The following IL1RAPL1 variants were observed in gnomAD, a reference collection of about 807,000 sequenced individuals.
IL1RAPL1 encodes the protein interleukin-1 receptor accessory protein-like 1.
Under a neutral mutation model 48.4 loss-of-function variants are expected in IL1RAPL1, and 3 were observed. That is an observed-to-expected ratio of 0.06 (90% confidence interval 0.03 to 0.16). The LOEUF (loss-of-function observed/expected upper bound fraction) is 0.16. Ranked by LOEUF, IL1RAPL1 falls within the 10% of genes least tolerant of loss-of-function variation. The probability of loss-of-function intolerance (pLI) is 1.00; values close to 1 mark genes in which losing one functional copy is unlikely to be tolerated. For missense variants in IL1RAPL1, 349 were observed against 530.6 expected, an observed-to-expected ratio of 0.66 and a Z score of 3.36; for synonymous variants, 185 against 187.7, an observed-to-expected ratio of 0.99 and a Z score of 0.12.
chrX:29,552,802 C>CTTTTTTTTTTTT (rs765234944), intron 5 of IL1RAPL1, among the ~76,000 whole-genome samples: 75 of 22,986 alleles, frequency 3.3e-3, no homozygotes, highest in African/African-American at 3.7e-3. Context: ...TTTCACTCTC[C>CTTTTTTTTTTTT]TTTTTTTTTT....
intron 3 of IL1RAPL1, among the ~76,000 whole-genome samples, chrX:29,306,324 A>C (rs1302472627): frequency 9.4e-6 from 1 of 106,338 alleles, no homozygotes; most frequent in Non-Finnish European, 1.9e-5. Context: ...AGGTCAGGAG[A>C]TCAAGACTAT....
chrX:28,861,535 G>A (rs1921943832), intron 2 of IL1RAPL1, among the ~76,000 whole-genome samples: 1 of 111,795 alleles, frequency 8.9e-6, no homozygotes, highest in Non-Finnish European at 1.9e-5. Context: ...AGAACACTTC[G>A]GTTTACAAAG....
chrX:28,734,816 T>C (rs768146170), intron 1 of IL1RAPL1, among the ~76,000 whole-genome samples: 2 of 112,111 alleles, frequency 1.8e-5, no homozygotes, highest in Non-Finnish European at 3.8e-5. Context: ...TAAATACATG[T>C]CAAATGAATG....
chrX:28,938,184 A>G (rs1392848773), intron 2 of IL1RAPL1, among the ~76,000 whole-genome samples: 1 of 111,683 alleles, frequency 9.0e-6, no homozygotes, highest in Non-Finnish European at 1.9e-5. Flanking sequence ...ATTCATATGG[A>G]ACCAAAAAAG....
rs3069570 is a variant in IL1RAPL1 at position 29,479,414 on chromosome X, C to CAAAAAAAAAAAAAAAA, written c.703+80108_703+80123dup. On this transcript the variant is annotated intron_variant, in intron 5 of 10. Transcript: ENST00000378993. The stretch of plus-strand genomic sequence containing the variant: ...TGGGTGACAGAGCGAGACCCTGTCT[C>CAAAAAAAAAAAAAAAA]AAAAAAAAAAAAAAAAATTAGCATT... Among the ~76,000 whole-genome samples the CAAAAAAAAAAAAAAAA allele has an allele frequency of 2.1e-4, 9 of 42,479 alleles. 1 individual carries two copies. Among genetic ancestry groups the CAAAAAAAAAAAAAAAA allele is most frequent in the East Asian group, 1.0e-3 (1 of 990 alleles). 36.9% of individuals were successfully genotyped at this position (42,479 alleles called of 115,157 possible).
intron 1 of IL1RAPL1, among the ~76,000 whole-genome samples, chrX:28,788,301 A>C (rs935596198): frequency 1.8e-5 from 2 of 108,521 alleles, no homozygotes; most frequent in East Asian, 5.9e-4. Flanking sequence ...AAGCTGAGAC[A>C]CAGAAGGATG....
At position 28,962,601 on chromosome X, in the gene IL1RAPL1, A is replaced by G. The variant is rs771070775; in HGVS notation, c.82+173176A>G. ...TATTAACCGACTGTAGATTGAAAAT[A>G]TTCAGAAAAAAATAATAAGTAGTTA... On this transcript the variant is annotated intron_variant, in intron 2 of 10. Coordinates refer to ENST00000378993, the MANE Select transcript of IL1RAPL1 (RefSeq NM_014271.4). Among the ~76,000 whole-genome samples, 71 of 111,351 alleles carry G rather than the reference A, an allele frequency of 6.4e-4. 1 individual carries two copies. In the South Asian group the frequency reaches 0.025, roughly 39 times the overall value.
At chrX:29,501,348 G>A (rs1935271231) in intron 5 of IL1RAPL1, among the ~76,000 whole-genome samples, 1 of 111,252 alleles carries the variant, frequency 9.0e-6, no homozygotes, top group Non-Finnish European at 1.9e-5. Context: ...GGTTGCCTGG[G>A]CTTTTGAGGT....
chrX:28,999,581 A>G (rs1387444779), intron 2 of IL1RAPL1, among the ~76,000 whole-genome samples: 1 of 111,676 alleles, frequency 9.0e-6, no homozygotes, highest in Non-Finnish European at 1.9e-5. Flanking sequence ...AAGATTGTAT[A>G]TGCTCCCTCT....
intron 2 of IL1RAPL1, among the ~76,000 whole-genome samples, chrX:28,963,209 C>G (rs1267524849): frequency 9.0e-6 from 1 of 111,114 alleles, no homozygotes; most frequent in Non-Finnish European, 1.9e-5. Flanking sequence ...AGGAAAATGA[C>G]AATTTGGATT....
intron 4 of IL1RAPL1, among the ~76,000 whole-genome samples, chrX:29,398,803 T>C (rs902710555): frequency 2.7e-5 from 3 of 111,956 alleles, no homozygotes; most frequent in Non-Finnish European, 3.8e-5. Flanking sequence ...CAAAATGATG[T>C]CACGGATAGT....
chrX:29,523,500 G>A (rs1020017370), intron 5 of IL1RAPL1, among the ~76,000 whole-genome samples: 5 of 111,620 alleles, frequency 4.5e-5, no homozygotes, highest in African/African-American at 1.6e-4. Flanking sequence ...TTTCCAAATA[G>A]TAAAAGGATA....
At chrX:29,329,582 G>A (rs1932867456) in intron 3 of IL1RAPL1, among the ~76,000 whole-genome samples, 1 of 111,133 alleles carries the variant, frequency 9.0e-6, no homozygotes, top group African/African-American at 3.3e-5. Flanking sequence ...GGAGGCTGAG[G>A]CGGGCAGATT....
chrX:29,412,767 T>C (rs746234538), intron 5 of IL1RAPL1, among the ~76,000 whole-genome samples: 38 of 112,084 alleles, frequency 3.4e-4, no homozygotes, highest in Admixed American at 1.0e-3. Flanking sequence ...CTGCCATGCC[T>C]GGGCTCAGTG....
rs1934856233 is a variant in IL1RAPL1 at position 28,664,733 on chromosome X, C to T, written c.-25+76686C>T. ...ATGCTGATCACCTCTAAGCTACACT[C>T]TACTACATTCAGTATGGAATCAGGA... On this transcript the variant is annotated intron_variant, in intron 1 of 10. Transcript: ENST00000378993. 3.6e-5 allele frequency among the ~76,000 whole-genome samples: 4 copies of T among 111,779 alleles called. No homozygotes were observed. The South Asian group carries it at 1.5e-3, about 42-fold the overall frequency.
At chrX:28,784,736 T>C (rs1476311154) in intron 1 of IL1RAPL1, among the ~76,000 whole-genome samples, 1 of 111,517 alleles carries the variant, frequency 9.0e-6, no homozygotes, top group Non-Finnish European at 1.9e-5. Context: ...ATAAAACAAA[T>C]GAGTGCAGCT....
At chrX:28,779,041 A>G (rs1463156344) in intron 1 of IL1RAPL1, among the ~76,000 whole-genome samples, 1 of 111,934 alleles carries the variant, frequency 8.9e-6, no homozygotes, top group Non-Finnish European at 1.9e-5. Context: ...CCAAGTTTGC[A>G]TAGCTAGTAA....
intron 2 of IL1RAPL1, among the ~76,000 whole-genome samples, chrX:28,917,640 C>T (rs968450710): frequency 1.8e-5 from 2 of 112,066 alleles, no homozygotes; most frequent in Non-Finnish European, 3.8e-5. Context: ...GTTCTTCCAA[C>T]CCCTCACTGG....
chrX:29,122,938 G>A (rs1217567090), intron 2 of IL1RAPL1, among the ~76,000 whole-genome samples: 1 of 111,455 alleles, frequency 9.0e-6, no homozygotes, highest in East Asian at 2.8e-4. Context: ...GGCAATCTTG[G>A]ATATGTGTAG....
Sources: gnomAD v4.1 joint callset for allele counts (sites outside exome capture counted in the v4.1 genomes callset) on GRCh38, gnomAD v4.1.1 for gene constraint, MANE v1.5 for transcripts, NCBI Gene and HGNC (gene_info 2026-07-23, HGNC 2026-07-21) for gene names.